Variants in CYP26B1 observed in about 807,000 individuals in gnomAD.
CYP26B1 encodes cytochrome P450 26B1.
CYP26B1 carries 8 observed loss-of-function variants against 39.1 expected under a neutral mutation model. That is an observed-to-expected ratio of 0.20 (90% CI 0.12 to 0.37). The LOEUF is 0.37. Ranked by LOEUF, CYP26B1 falls within the 10% of genes least tolerant of loss-of-function variation. The pLI is 1.00. For synonymous variants in CYP26B1, 321 were observed against 314.3 expected (o/e 1.02, Z -0.23); for missense variants, 615 against 707.0 (o/e 0.87, Z 1.48).
Position 72,132,167 on chromosome 2 carries a change from T to G in CYP26B1, c.*60A>C. The G allele has an allele frequency of 6.5e-7, 1 of 1,548,842 alleles. No individual in the cohort carries two copies. Among genetic ancestry groups the G allele is most frequent in the East Asian group, 2.4e-5 (1 of 42,022 alleles). ...TCCGGCCCCCTCCCACACACAGGTTTCTACCTCCCACAACCACCACCCCGC... is the reference window on the plus strand; with the variant it reads ...TCCGGCCCCCTCCCACACACAGGTTGCTACCTCCCACAACCACCACCCCGC... On this transcript the variant is annotated 3_prime_UTR_variant, in exon 6 of 6. Transcript: ENST00000001146.
intron 3 of CYP26B1, 108 bp from the exon 4 acceptor site, chr2:72,135,024 C>T (rs1023066424): frequency 1.1e-5 from 18 of 1,599,870 alleles, no homozygotes; most frequent in Middle Eastern, 1.9e-4. Context: ...GACACCTCTC[C>T]CCTTTGTCCA....
intron 2 of CYP26B1, among the ~76,000 whole-genome samples, chr2:72,141,523 G>T (rs1676941553): frequency 6.6e-6 from 1 of 152,166 alleles, no homozygotes; most frequent in South Asian, 2.1e-4. Flanking sequence ...GCACACCTGG[G>T]CCCCACTTCC....
chr2:72,144,732 G>T (rs1677068491), intron 1 of CYP26B1, among the ~76,000 whole-genome samples: 1 of 152,208 alleles, frequency 6.6e-6, no homozygotes, highest in Non-Finnish European at 1.5e-5. Context: ...GCAGGGACCC[G>T]GCGGCCCTCG....
Position 72,132,180 on chromosome 2 carries a change from A to C in CYP26B1, c.*47T>G. ...CACACACAGGTTTCTACCTCCCACA[A>C]CCACCACCCCGCTGCCTGGGCTGGG... On this transcript the variant is annotated 3_prime_UTR_variant, in exon 6 of 6. Transcript: ENST00000001146. The C allele has an allele frequency of 6.4e-7, 1 of 1,567,948 alleles. No homozygotes were observed. The highest frequency in any genetic ancestry group is 8.6e-7 in the Non-Finnish European group (1 of 1,156,694).
chr2:72,134,733 G>A (rs1348955310), intron 4 of CYP26B1, 28 bp downstream of exon 4: 3 of 1,601,694 alleles, frequency 1.9e-6, no homozygotes, highest in Non-Finnish European at 2.6e-6. Flanking sequence ...TGCTGGTGCT[G>A]CCCGTGAGGG....
At position 72,131,957 on chromosome 2, in the gene CYP26B1, G is replaced by A. The variant is rs2104030054; in HGVS notation, c.*270C>T. 1 of 553,034 alleles carries A rather than the reference G, an allele frequency of 1.8e-6. No homozygotes were observed. 34.3% of individuals were successfully genotyped at this position (553,034 alleles called of 1,614,324 possible). A position where few individuals can be genotyped will look rare whatever the true frequency, so the allele number is the denominator to read the frequency against. ...GCGCTGACACCTAACACTGTCACGG[G>A]CATGCAGAGCCCCTGCCACGCCCTT... On this transcript the variant is annotated 3_prime_UTR_variant, in exon 6 of 6. Transcript: ENST00000001146.
In CYP26B1 at chr2:72,139,038, G is replaced by A. The variant is rs1301367124; in HGVS notation, c.430-3619C>T. On this transcript the variant is annotated intron_variant, in intron 2 of 5. Transcript: ENST00000001146. ...TGAACCCCATGGCCCTGCGTGCTGC[G>A]CTTGCTCAGCCAGATAGCCTCCCCC... Among the ~76,000 whole-genome samples the A allele has an allele frequency of 3.3e-5, 5 of 152,306 alleles. No individual in the cohort carries two copies. In the East Asian group the frequency reaches 5.8e-4, roughly 18 times the overall value.
chr2:72,130,420 G>A lies in CYP26B1; in HGVS notation c.*1807C>T, dbSNP rs969299724. On this transcript the variant is annotated 3_prime_UTR_variant, in exon 6 of 6. Transcript: ENST00000001146. ...TCTGAGACTCAGGGATTGGAGAGCA[G>A]TCTGTGTGGTATGGGCCCGTTCCTA... 1.3e-5 allele frequency: 2 copies of A among 152,186 alleles called. No homozygotes were observed. The highest frequency in any genetic ancestry group is 4.8e-5 in the African/African-American group (2 of 41,422). 9.4% of individuals were successfully genotyped at this position (152,186 alleles called of 1,614,324 possible).
intron 2 of CYP26B1, among the ~76,000 whole-genome samples, chr2:72,143,372 G>GA (rs1558971638): frequency 7.5e-6 from 1 of 133,194 alleles, no homozygotes; most frequent in Admixed American, 7.9e-5. Context: ...TTCCTCTTTC[G>GA]GGGGGGGGTG....
chr2:72,132,555 G>A lies in CYP26B1; in HGVS notation c.1211C>T (p.Pro404Leu). 2 of 1,609,716 alleles carry A rather than the reference G, an allele frequency of 1.2e-6. No homozygotes were observed. The highest frequency in any genetic ancestry group is 8.5e-7 in the Non-Finnish European group (1 of 1,177,034). Residue 404 changes from proline (P) to leucine (L), a missense_variant, in exon 6 of 6, where the codon CCC becomes CTC. Transcript: ENST00000001146. ...GAACACGTTCACGTCTTTGAACACG[G>A]GCGCTGTGTCATGGGTGTCCCGGAT... ...YSIRDTHDTAPVFKDVNVFDP... is the reference protein window; with the variant it reads ...YSIRDTHDTALVFKDVNVFDP...
chr2:72,130,996 T>G lies in CYP26B1; in HGVS notation c.*1231A>C, dbSNP rs909687163. 1 of 152,768 alleles carries G rather than the reference T, an allele frequency of 6.5e-6. No individual in the cohort carries two copies. Among genetic ancestry groups the G allele is most frequent in the African/African-American group, 2.4e-5 (1 of 41,444 alleles). 9.5% of individuals were successfully genotyped at this position (152,768 alleles called of 1,614,324 possible). On this transcript the variant is annotated 3_prime_UTR_variant, in exon 6 of 6. Transcript: ENST00000001146. ...GGAAGGGACTTCAAGGACACCTTTT[T>G]CAGGGCGGAGGGCAAAGGGGGAGAG...
chr2:72,133,786 G>A (rs570819425), intron 4 of CYP26B1, among the ~76,000 whole-genome samples: 1 of 152,184 alleles, frequency 6.6e-6, no homozygotes, highest in South Asian at 2.1e-4. Context: ...TTCAGTGGGT[G>A]ATCAGGGGAG....
intron 2 of CYP26B1, among the ~76,000 whole-genome samples, chr2:72,138,663 GC>G (rs1447611045): frequency 6.6e-6 from 1 of 152,194 alleles, no homozygotes; most frequent in African/African-American, 2.4e-5. Flanking sequence ...CACGGCTGGT[GC>G]CAGGGGAGAG....
intron 2 of CYP26B1, among the ~76,000 whole-genome samples, chr2:72,142,038 C>T (rs910592137): frequency 1.1e-4 from 16 of 152,288 alleles, no homozygotes; most frequent in Middle Eastern, 3.4e-3. Context: ...AGGGAGCCAT[C>T]GCGCCTCAGC....
Position 72,135,279 on chromosome 2 carries a change from G to A in CYP26B1, c.570C>T (p.Phe190=). ...CCAGCAGCACCCGGATGGCCATGCG[G>A]AAGGTCAGCTTCTGCGCCTCCTGGT... is the stretch of plus-strand genomic sequence containing the variant. ...NVYQEAQKLT[F]RMAIRVLLGF... Residue 190 remains phenylalanine, a synonymous_variant, in exon 3 of 6, where the codon TTC becomes TTT. Transcript: ENST00000001146. 2 of 1,614,092 alleles carry A rather than the reference G, an allele frequency of 1.2e-6. No homozygotes were observed. The highest frequency in any genetic ancestry group is 2.7e-5 in the African/African-American group (2 of 75,072).
chr2:72,132,092 G>C lies in CYP26B1; in HGVS notation c.*135C>G. ...CACTGGCTTTGGGTAGGGTTTGCCA[G>C]GGAGGGGGAGCAAGGGAGGGCAAGT... On this transcript the variant is annotated 3_prime_UTR_variant, in exon 6 of 6. Coordinates refer to ENST00000001146, the MANE Select transcript of CYP26B1 (RefSeq NM_019885.4). 9.6e-7 allele frequency: 1 copy of C among 1,046,084 alleles called. No individual in the cohort carries two copies. Among genetic ancestry groups the C allele is most frequent in the Non-Finnish European group, 1.4e-6 (1 of 724,216 alleles). 64.8% of individuals were successfully genotyped at this position (1,046,084 alleles called of 1,614,324 possible). A position where few individuals can be genotyped will look rare whatever the true frequency, so the allele number is the denominator to read the frequency against.
intron 1 of CYP26B1, among the ~76,000 whole-genome samples, chr2:72,146,651 T>TC (rs1677131508): frequency 6.6e-6 from 1 of 152,198 alleles, no homozygotes; most frequent in Non-Finnish European, 1.5e-5. Flanking sequence ...GCGGGGATTG[T>TC]CAGTTTCAGG....
In CYP26B1 at chr2:72,131,833, G is replaced by T. The variant is rs911159045; in HGVS notation, c.*394C>A. 6 of 211,668 alleles carry T rather than the reference G, an allele frequency of 2.8e-5. No individual in the cohort carries two copies. The South Asian group carries it at 4.2e-4, about 15-fold the overall frequency. The allele number at this position is 211,668 out of a possible 1,614,324, so 13.1% of individuals were successfully genotyped here. A position where few individuals can be genotyped will look rare whatever the true frequency, so the allele number is the denominator to read the frequency against. On this transcript the variant is annotated 3_prime_UTR_variant, in exon 6 of 6. Transcript: ENST00000001146. The stretch of plus-strand genomic sequence containing the variant: ...AGGAGACGCTGAAGAGTGCGCCCAA[G>T]GGGGCACGGCTCTTCCCGTCCCCCA...
rs1459274649 is a variant in CYP26B1, at chr2:72,132,043, G to A, written c.*184C>T. 2 of 666,666 alleles carry A rather than the reference G, an allele frequency of 3.0e-6. No homozygotes were observed. Among genetic ancestry groups the A allele is most frequent in the African/African-American group, 1.8e-5 (1 of 55,138 alleles). The allele number at this position is 666,666 out of a possible 1,614,324, so 41.3% of individuals were successfully genotyped here. Reference sequence around the variant, plus strand: ...TGGAGGGAAGCTGGAGCCAGAAGGGGAGCCCAGCCCTAGGAATGGGGCCCA... The same window carrying A: ...TGGAGGGAAGCTGGAGCCAGAAGGGAAGCCCAGCCCTAGGAATGGGGCCCA... On this transcript the variant is annotated 3_prime_UTR_variant, in exon 6 of 6. Coordinates refer to ENST00000001146, the MANE Select transcript of CYP26B1 (RefSeq NM_019885.4).
Sources: gnomAD v4.1 joint callset for allele counts (sites outside exome capture counted in the v4.1 genomes callset) on GRCh38, gnomAD v4.1.1 for gene constraint, MANE v1.5 for transcripts, NCBI Gene and HGNC (gene_info 2026-07-23, HGNC 2026-07-21) for gene names.